Variants in UBP1 observed in about 807,000 individuals in gnomAD.
UBP1 encodes the protein upstream binding protein 1, also known as upstream-binding protein 1.
In UBP1, 22 loss-of-function variants were observed where a neutral mutation model predicts 76.1. That is an observed-to-expected ratio of 0.29 (90% confidence interval 0.21 to 0.41). The LOEUF (loss-of-function observed/expected upper bound fraction) is 0.41. Ranked by LOEUF, UBP1 falls within the 10% of genes least tolerant of loss-of-function variation. The pLI is 1.00. For synonymous variants in UBP1, 224 were observed against 237.1 expected (o/e 0.94, Z 0.51); for missense variants, 436 against 668.1 (o/e 0.65, Z 3.83).
At chr3:33,395,911 TC>T (rs918215682) in intron 13 of UBP1, among the ~76,000 whole-genome samples, 3 of 151,022 alleles carry the variant, frequency 2.0e-5, no homozygotes, top group Non-Finnish European at 4.4e-5. Flanking sequence ...GTTAGATATT[TC>T]CGGCATGAAG....
At position 33,428,750 on chromosome 3, in the gene UBP1, C is replaced by A. The variant is rs371261564; in HGVS notation, c.114-3009G>T. 7.3e-5 allele frequency among the ~76,000 whole-genome samples: 11 copies of A among 151,182 alleles called. No homozygotes were observed. The East Asian group carries it at 7.8e-4, about 11-fold the overall frequency. The stretch of plus-strand genomic sequence containing the variant: ...AAACAGAAGTTAAACCATTTCAATT[C>A]TCTGAATCCTTACATCAGCTCACTT... On this transcript the variant is annotated intron_variant, in intron 1 of 15. Coordinates refer to ENST00000283629, the MANE Select transcript of UBP1 (RefSeq NM_014517.5).
intron 2 of UBP1, among the ~76,000 whole-genome samples, chr3:33,421,563 C>A (rs1484408387): frequency 6.6e-6 from 1 of 152,216 alleles, no homozygotes; most frequent in Non-Finnish European, 1.5e-5. Flanking sequence ...CGCCACCGCA[C>A]CCAGCCTTAA....
chr3:33,420,190 G>T (rs1281187277), intron 2 of UBP1, among the ~76,000 whole-genome samples: 1 of 152,124 alleles, frequency 6.6e-6, no homozygotes, highest in Non-Finnish European at 1.5e-5. Flanking sequence ...TTAGTAACAT[G>T]AACTGAAACT....
At chr3:33,409,650 A>T in intron 5 of UBP1, 49 bp from the exon 6 acceptor site, 2 of 1,611,876 alleles carry the variant, frequency 1.2e-6, no homozygotes. Context: ...TCCACTGGTT[A>T]TTTTTCTATT....
chr3:33,428,663 ATT>A (rs1032865949), intron 1 of UBP1, among the ~76,000 whole-genome samples: 1 of 152,246 alleles, frequency 6.6e-6, no homozygotes, highest in Admixed American at 6.5e-5. Flanking sequence ...TTTCCAATTA[ATT>A]TTTTACTTAA....
intron 4 of UBP1, among the ~76,000 whole-genome samples, chr3:33,412,433 C>G (rs1204489269): frequency 6.6e-6 from 1 of 151,364 alleles, no homozygotes; most frequent in Admixed American, 6.6e-5. Flanking sequence ...GACACAAGAT[C>G]CTAGAGGGGC....
intron 2 of UBP1, 54 bp downstream of exon 2, chr3:33,425,536 T>C: frequency 6.9e-7 from 1 of 1,455,408 alleles, no homozygotes; most frequent in East Asian, 2.4e-5. Context: ...GCCAAAATAT[T>C]ATTTTGTATT....
chr3:33,422,492 A>G (rs931768724), intron 2 of UBP1, among the ~76,000 whole-genome samples: 70 of 152,206 alleles, frequency 4.6e-4, no homozygotes, highest in African/African-American at 1.6e-3. Flanking sequence ...CAAGGCAGGA[A>G]GATCGTTTGA....
chr3:33,410,572 C>G (rs572467485), intron 5 of UBP1, among the ~76,000 whole-genome samples: 4 of 152,298 alleles, frequency 2.6e-5, no homozygotes, highest in Admixed American at 1.3e-4. Context: ...CTTATGAAGG[C>G]TGGTCAGCAA....
At chr3:33,426,069 A>C (rs2045013168) in intron 1 of UBP1, among the ~76,000 whole-genome samples, 1 of 138,188 alleles carries the variant, frequency 7.2e-6, no homozygotes, top group Non-Finnish European at 1.6e-5. Context: ...TAAAACTTTA[A>C]GGTCCAGATT....
chr3:33,431,912 G>C (rs942874998), intron 1 of UBP1, among the ~76,000 whole-genome samples: 3 of 152,140 alleles, frequency 2.0e-5, no homozygotes, highest in Admixed American at 6.5e-5. Flanking sequence ...ATAAACTACA[G>C]AGCAGCAGGA....
intron 4 of UBP1, 36 bp from the exon 5 acceptor site, chr3:33,411,723 C>T: frequency 2.6e-6 from 4 of 1,523,978 alleles, no homozygotes; most frequent in Non-Finnish European, 3.6e-6. Flanking sequence ...AAAACATCCA[C>T]TTTAAATAAC....
At chr3:33,412,597 AGAC>A in intron 4 of UBP1, 122 bp downstream of exon 4, 2 of 638,404 alleles carry the variant, frequency 3.1e-6, no homozygotes. Context: ...AAAAAAAAAA[AGAC>A]ACAAAATCCA....
At chr3:33,411,031 C>T (rs1271241082) in intron 5 of UBP1, among the ~76,000 whole-genome samples, 2 of 151,050 alleles carry the variant, frequency 1.3e-5, no homozygotes, top group Non-Finnish European at 2.9e-5. Flanking sequence ...CGAGATCATG[C>T]CACTGTATTC....
At chr3:33,397,412 A>G (rs969783362) in intron 11 of UBP1, 1 of 241,618 alleles carries the variant, frequency 4.1e-6, no homozygotes, top group African/African-American at 2.2e-5. Flanking sequence ...TCTTCCCGAT[A>G]TAGGATTTCA....
intron 12 of UBP1, chr3:33,396,656 T>C: frequency 2.4e-6 from 1 of 411,316 alleles, no homozygotes; most frequent in Non-Finnish European, 4.6e-6. Context: ...TTACAGTTTC[T>C]GTCATTTTAA....
chr3:33,404,485 TAA>T (rs147464429), intron 8 of UBP1, among the ~76,000 whole-genome samples: 11,677 of 144,372 alleles, frequency 0.081, 513 homozygotes, highest in Admixed American at 0.1. Context: ...ATAATAGGAT[TAA>T]AAAAAAAAAA....
At chr3:33,439,672 C>T in intron 1 of UBP1, 64 bp downstream of exon 1, 1 of 1,561,688 alleles carries the variant, frequency 6.4e-7, no homozygotes, top group Non-Finnish European at 8.7e-7. Context: ...CTGGCAGAGA[C>T]TCAGGGCTGC....
intron 10 of UBP1, 47 bp from the exon 11 acceptor site, chr3:33,400,329 T>C (rs377033790): frequency 2.6e-5 from 38 of 1,444,354 alleles, no homozygotes; most frequent in South Asian, 6.5e-5. Flanking sequence ...CATTCAGACT[T>C]AGAACATTTA....
Sources: allele counts gnomAD v4.1 joint callset (sites outside exome capture counted in the v4.1 genomes callset), GRCh38; gene constraint gnomAD v4.1.1; transcripts MANE v1.5; gene names NCBI Gene and HGNC (gene_info 2026-07-23, HGNC 2026-07-21).